The following BRINP1 variants were observed in gnomAD, a reference collection of about 807,000 sequenced individuals.
The protein encoded by BRINP1 is BMP/retinoic acid inducible neural specific 1, also known as BMP/retinoic acid-inducible neural-specific protein 1.
In BRINP1, 17 loss-of-function variants were observed where a neutral mutation model predicts 72.9. The ratio of observed to expected loss-of-function variants is 0.23; its 90% CI spans 0.16 to 0.35. BRINP1 has a LOEUF of 0.35. Ranked by LOEUF, BRINP1 falls within the 10% of genes least tolerant of loss-of-function variation. The pLI, the probability that BRINP1 is intolerant of heterozygous loss-of-function variation, is 1.00. For missense variants in BRINP1, 850 were observed against 1,001.6 expected, an observed-to-expected ratio of 0.85 and a Z score of 2.04; for synonymous variants, 418 against 378.5, an observed-to-expected ratio of 1.10 and a Z score of -1.21.
At chr9:119,229,493 T>C (rs961199870) in intron 5 of BRINP1, among the ~76,000 whole-genome samples, 14 of 152,150 alleles carry the variant, frequency 9.2e-5, no homozygotes, top group South Asian at 4.1e-4. Context: ...TCCAGGGCCT[T>C]TTCTTGAAAC....
At chr9:119,325,014 TG>T (rs2119006883) in intron 1 of BRINP1, among the ~76,000 whole-genome samples, 1 of 151,988 alleles carries the variant, frequency 6.6e-6, no homozygotes, top group Non-Finnish European at 1.5e-5. Flanking sequence ...GCAAGAGAAT[TG>T]CTTGAACCAG....
intron 7 of BRINP1, among the ~76,000 whole-genome samples, chr9:119,203,981 G>A (rs1272737135): frequency 6.6e-6 from 1 of 152,044 alleles, no homozygotes; most frequent in Middle Eastern, 3.2e-3. Flanking sequence ...AATGCTCTCC[G>A]ACTTCCAAGG....
At chr9:119,243,395 C>T (rs556446191) in intron 3 of BRINP1, among the ~76,000 whole-genome samples, 11 of 152,162 alleles carry the variant, frequency 7.2e-5, no homozygotes, top group South Asian at 4.1e-4. Context: ...ATTCTTTTTT[C>T]GGGCTGCATA....
chr9:119,247,743 C>T (rs572132043), intron 3 of BRINP1, among the ~76,000 whole-genome samples: 1 of 149,194 alleles, frequency 6.7e-6, no homozygotes, highest in East Asian at 2.0e-4. Context: ...AAAACACTCA[C>T]TTAAAAACTT....
chr9:119,268,982 C>G (rs1830580857), intron 2 of BRINP1, among the ~76,000 whole-genome samples: 1 of 152,176 alleles, frequency 6.6e-6, no homozygotes. Flanking sequence ...GAATAAGGTT[C>G]AAGTCCTAAA....
chr9:119,312,015 G>C (rs575018228), intron 2 of BRINP1, among the ~76,000 whole-genome samples: 6 of 152,318 alleles, frequency 3.9e-5, no homozygotes, highest in Non-Finnish European at 7.3e-5. Flanking sequence ...AGGAGGTTAT[G>C]AGGATTGAAC....
intron 7 of BRINP1, among the ~76,000 whole-genome samples, chr9:119,176,127 T>C (rs994325810): frequency 2.6e-5 from 4 of 152,194 alleles, no homozygotes; most frequent in Non-Finnish European, 5.9e-5. Flanking sequence ...CTGTCAGCAA[T>C]ATTTTACAGA....
intron 4 of BRINP1, among the ~76,000 whole-genome samples, chr9:119,241,207 A>G (rs960907874): frequency 6.6e-6 from 1 of 152,210 alleles, no homozygotes; most frequent in African/African-American, 2.4e-5. Flanking sequence ...TTAGGTGTTC[A>G]ATAACCCCAG....
At chr9:119,273,992 GAT>G (rs1402529028) in intron 2 of BRINP1, among the ~76,000 whole-genome samples, 1 of 152,170 alleles carries the variant, frequency 6.6e-6, no homozygotes, top group East Asian at 1.9e-4. Context: ...AGTTGAAGCT[GAT>G]TATAAAAATA....
At chr9:119,222,773 C>A (rs1830052681) in intron 5 of BRINP1, among the ~76,000 whole-genome samples, 8 of 151,154 alleles carry the variant, frequency 5.3e-5, no homozygotes, top group Admixed American at 5.3e-4. Context: ...ATTTTAACTT[C>A]AAAAAAAGAT....
intron 1 of BRINP1, among the ~76,000 whole-genome samples, chr9:119,356,739 A>C (rs931674713): frequency 2.0e-5 from 3 of 150,940 alleles, no homozygotes; most frequent in African/African-American, 7.3e-5. Context: ...TGGGAGGCGG[A>C]GGTTGCAGTA....
At chr9:119,286,830 T>C (rs1479465464) in intron 2 of BRINP1, among the ~76,000 whole-genome samples, 3 of 152,212 alleles carry the variant, frequency 2.0e-5, no homozygotes, top group African/African-American at 7.2e-5. Flanking sequence ...CATTAATTCA[T>C]CCACGATTTT....
intron 1 of BRINP1, among the ~76,000 whole-genome samples, chr9:119,339,861 C>T (rs542774596): frequency 6.6e-6 from 1 of 152,294 alleles, no homozygotes; most frequent in South Asian, 2.1e-4. Flanking sequence ...TACATGGCCC[C>T]AAAATCCTGG....
At chr9:119,183,133 G>A (rs1188988615) in intron 7 of BRINP1, among the ~76,000 whole-genome samples, 1 of 152,118 alleles carries the variant, frequency 6.6e-6, no homozygotes, top group Non-Finnish European at 1.5e-5. Flanking sequence ...CCAGTAAGTT[G>A]AACATATGAA....
chr9:119,241,024 C>T (rs1218262091), intron 4 of BRINP1, among the ~76,000 whole-genome samples: 1 of 152,194 alleles, frequency 6.6e-6, no homozygotes, highest in South Asian at 2.1e-4. Context: ...CTCCCACATT[C>T]GCTTTATAGA....
At chr9:119,307,638 A>G (rs572869761) in intron 2 of BRINP1, among the ~76,000 whole-genome samples, 1 of 152,340 alleles carries the variant, frequency 6.6e-6, no homozygotes, top group Admixed American at 6.5e-5. Flanking sequence ...ACGAAGAGGT[A>G]TCCCTTTTAG....
chr9:119,354,738 A>G (rs1271952543), intron 1 of BRINP1, among the ~76,000 whole-genome samples: 1 of 152,110 alleles, frequency 6.6e-6, no homozygotes, highest in Non-Finnish European at 1.5e-5. Context: ...GTGTGGTGGC[A>G]TGTGCCTGTA....
chr9:119,202,796 G>A (rs1012164574), intron 7 of BRINP1, among the ~76,000 whole-genome samples: 4 of 152,182 alleles, frequency 2.6e-5, no homozygotes, highest in African/African-American at 9.6e-5. Flanking sequence ...ATCAACAGGT[G>A]TGGTCCGGAA....
At chr9:119,252,016 C>T (rs879924838) in intron 2 of BRINP1, among the ~76,000 whole-genome samples, 3 of 152,122 alleles carry the variant, frequency 2.0e-5, no homozygotes, top group African/African-American at 4.8e-5. Context: ...TTCTGCTTCA[C>T]CCACTGGCTC....
Sources: gnomAD v4.1 joint callset for allele counts (sites outside exome capture counted in the v4.1 genomes callset) on GRCh38, gnomAD v4.1.1 for gene constraint, MANE v1.5 for transcripts, NCBI Gene and HGNC (gene_info 2026-07-23, HGNC 2026-07-21) for gene names.